SHC3: variants seen among roughly 807,000 people sequenced by gnomAD.
The protein encoded by SHC3 is SHC adaptor protein 3.
In SHC3, 15 loss-of-function variants were observed where a neutral mutation model predicts 60.4. That is an observed-to-expected ratio of 0.25 (90% CI 0.17 to 0.38). The LOEUF (loss-of-function observed/expected upper bound fraction) is 0.38. SHC3 is among the 10% of genes least tolerant of loss of function. SHC3 has a pLI of 1.00. For missense variants in SHC3, 677 were observed against 786.1 expected (o/e 0.86, Z 1.66); for synonymous variants, 294 against 325.9 (o/e 0.90, Z 1.05).
chr9:89,129,389 T>C (rs1826209959), intron 1 of SHC3, among the ~76,000 whole-genome samples: 1 of 152,100 alleles, frequency 6.6e-6, no homozygotes. Context: ...AACATTCAAA[T>C]TCAGGAAATA....
intron 6 of SHC3, among the ~76,000 whole-genome samples, chr9:89,064,619 T>A (rs1272560065): frequency 6.6e-6 from 1 of 152,052 alleles, no homozygotes; most frequent in Non-Finnish European, 1.5e-5. Context: ...AGCATTGAGG[T>A]TTTTTTAAGC....
At chr9:89,060,786 G>A (rs1401150061) in intron 6 of SHC3, among the ~76,000 whole-genome samples, 1 of 152,088 alleles carries the variant, frequency 6.6e-6, no homozygotes, top group African/African-American at 2.4e-5. Context: ...CAGAGTGACT[G>A]ATGATTAATT....
intron 9 of SHC3, among the ~76,000 whole-genome samples, chr9:89,044,086 G>A (rs10867150): frequency 0.28 from 42,620 of 152,102 alleles, 7,769 homozygotes; most frequent in African/African-American, 0.52. Context: ...CAAAAACAAG[G>A]CCTATTTTAA....
intron 10 of SHC3, among the ~76,000 whole-genome samples, chr9:89,039,553 C>T (rs553521558): frequency 1.3e-4 from 20 of 152,298 alleles, no homozygotes; most frequent in Middle Eastern, 3.4e-3. Flanking sequence ...ACATCGTCAG[C>T]ATCATCCCCA....
At chr9:89,147,685 C>T (rs1826490085) in intron 1 of SHC3, among the ~76,000 whole-genome samples, 1 of 152,094 alleles carries the variant, frequency 6.6e-6, no homozygotes, top group South Asian at 2.1e-4. Flanking sequence ...GCCTTTTTCC[C>T]CTTTTATTAC....
At chr9:89,055,227 C>A (rs1005790484) in intron 6 of SHC3, among the ~76,000 whole-genome samples, 1 of 152,242 alleles carries the variant, frequency 6.6e-6, no homozygotes, top group African/African-American at 2.4e-5. Flanking sequence ...CACCAGACTT[C>A]CAGTTCTCAG....
At chr9:89,146,698 T>C (rs1826474651) in intron 1 of SHC3, among the ~76,000 whole-genome samples, 1 of 152,152 alleles carries the variant, frequency 6.6e-6, no homozygotes, top group Non-Finnish European at 1.5e-5. Flanking sequence ...TCAGAACTAG[T>C]GCCAGAAAAA....
intron 1 of SHC3, among the ~76,000 whole-genome samples, chr9:89,113,220 A>T (rs1427128279): frequency 3.9e-5 from 6 of 152,234 alleles, no homozygotes; most frequent in Admixed American, 3.9e-4. Context: ...AGATTTATAC[A>T]TCTAAATGCA....
rs1031298409 is a variant in SHC3 at position 89,081,585 on chromosome 9, T to C, written c.546-3682A>G. On this transcript the variant is annotated intron_variant, in intron 2 of 11. Coordinates refer to ENST00000375835, the MANE Select transcript of SHC3 (RefSeq NM_016848.6). ...CTGTGTGACCAGAACCCTGAGTGAATGTGTGCTGGTACAATAAGAATATCC... is the reference window on the plus strand; with the variant it reads ...CTGTGTGACCAGAACCCTGAGTGAACGTGTGCTGGTACAATAAGAATATCC... 2.6e-5 allele frequency among the ~76,000 whole-genome samples: 4 copies of C among 152,082 alleles called. No homozygotes were observed. The South Asian group carries it at 6.2e-4, about 24-fold the overall frequency.
intron 6 of SHC3, among the ~76,000 whole-genome samples, chr9:89,063,978 G>A (rs2117974254): frequency 6.6e-6 from 1 of 152,342 alleles, no homozygotes; most frequent in African/African-American, 2.4e-5. Flanking sequence ...GAGGCTGGAA[G>A]GTGCCAGCAG....
intron 1 of SHC3, among the ~76,000 whole-genome samples, chr9:89,133,180 TC>T (rs1826272550): frequency 6.6e-6 from 1 of 152,162 alleles, no homozygotes; most frequent in South Asian, 2.1e-4. Context: ...TCACTGGCCA[TC>T]AGAGAAATGC....
At chr9:89,020,308 T>C (rs1826177495) in intron 11 of SHC3, among the ~76,000 whole-genome samples, 1 of 149,298 alleles carries the variant, frequency 6.7e-6, no homozygotes, top group African/African-American at 2.5e-5. Flanking sequence ...GAGGTGAAGG[T>C]GGAGGGTGAG....
chr9:89,094,458 G>A (rs539792156), intron 2 of SHC3, among the ~76,000 whole-genome samples: 1 of 152,276 alleles, frequency 6.6e-6, no homozygotes, highest in African/African-American at 2.4e-5. Flanking sequence ...AGAAGAGCAC[G>A]CACAATTTGA....
intron 1 of SHC3, among the ~76,000 whole-genome samples, chr9:89,165,424 C>T (rs921692499): frequency 6.7e-6 from 1 of 149,248 alleles, no homozygotes; most frequent in Admixed American, 6.8e-5. Context: ...TTGTTTGAAA[C>T]ATTTCAGAGA....
intron 2 of SHC3, among the ~76,000 whole-genome samples, chr9:89,097,529 G>A (rs764433309): frequency 9.2e-5 from 14 of 152,202 alleles, no homozygotes; most frequent in Non-Finnish European, 1.6e-4. Context: ...AGGAATTATC[G>A]AATATAACTT....
At chr9:89,025,970 A>T (rs553412282) in intron 11 of SHC3, among the ~76,000 whole-genome samples, 18 of 152,246 alleles carry the variant, frequency 1.2e-4, no homozygotes, top group Admixed American at 3.3e-4. Flanking sequence ...TTGGCTGGGC[A>T]CAGTGGCTCA....
At chr9:89,044,912 G>A (rs751849217) in intron 9 of SHC3, among the ~76,000 whole-genome samples, 7 of 152,184 alleles carry the variant, frequency 4.6e-5, no homozygotes, top group South Asian at 2.1e-4. Context: ...TGTGAGAGAC[G>A]TATATCCCTG....
chr9:89,072,512 A>G (rs1452452671), intron 4 of SHC3, among the ~76,000 whole-genome samples: 2 of 152,204 alleles, frequency 1.3e-5, no homozygotes, highest in African/African-American at 4.8e-5. Context: ...CTTGTAATTT[A>G]TCAATGTAAA....
intron 11 of SHC3, chr9:89,037,574 T>A (rs1437931194): frequency 9.8e-6 from 7 of 712,030 alleles, no homozygotes; most frequent in Non-Finnish European, 1.8e-5. Context: ...CATTTACTGA[T>A]CATCACATTT....
Sources: gnomAD v4.1 joint callset for allele counts (sites outside exome capture counted in the v4.1 genomes callset) on GRCh38, gnomAD v4.1.1 for gene constraint, MANE v1.5 for transcripts, NCBI Gene and HGNC (gene_info 2026-07-23, HGNC 2026-07-21) for gene names.